Variants in DPP6 observed in about 807,000 individuals in gnomAD.
DPP6 encodes the protein dipeptidyl peptidase like 6, also known as A-type potassium channel modulatory protein DPP6.
Under a neutral mutation model 122.6 loss-of-function variants are expected in DPP6, and 69 were observed. The ratio of observed to expected loss-of-function variants is 0.56; its 90% CI spans 0.46 to 0.69. The LOEUF (loss-of-function observed/expected upper bound fraction) is 0.69. Among genes scored for constraint, DPP6 ranks in the 30% least tolerant of loss-of-function variants. The pLI is 0.00. For synonymous variants in DPP6, 418 were observed against 433.1 expected (o/e 0.97, Z 0.43); for missense variants, 928 against 1,116.9 (o/e 0.83, Z 2.41).
chr7:154,333,790 C>T (rs578188386), intron 1 of DPP6, among the ~76,000 whole-genome samples: 5 of 152,268 alleles, frequency 3.3e-5, no homozygotes, highest in African/African-American at 9.6e-5. Context: ...CAATATCTGA[C>T]TTTATGTAAT....
intron 1 of DPP6, chr7:154,059,416 T>A (rs1206393897): frequency 1.1e-4 from 16 of 151,456 alleles, no homozygotes; most frequent in Admixed American, 9.8e-4. Context: ...AGATCAAATC[T>A]TCCGACGGCA....
the DPP6 span, among the ~76,000 whole-genome samples, chr7:153,795,411 C>G: frequency 6.6e-6 from 1 of 152,096 alleles, no homozygotes; most frequent in Non-Finnish European, 1.5e-5. Flanking sequence ...GAGACTATCT[C>G]AAAATAAAGA....
chr7:153,760,005 G>A, the DPP6 span, among the ~76,000 whole-genome samples: 1 of 151,740 alleles, frequency 6.6e-6, no homozygotes, highest in African/African-American at 2.4e-5. Flanking sequence ...CTATCTGTAT[G>A]TGAGTGAGTG....
At position 154,152,115 on chromosome 7, in the gene DPP6, A is replaced by T. The variant is rs6959196; in HGVS notation, c.243+99052A>T. ...TGCATCCTAGATGTCACATTACAGT[A>T]GTTTGGAGAGACTTTTCTTAGGTGT... On this transcript the variant is annotated intron_variant, in intron 1 of 25. Transcript: ENST00000377770. 5.0e-3 allele frequency among the ~76,000 whole-genome samples: 754 copies of T among 151,176 alleles called. 11 individuals carry two copies. The highest frequency in any genetic ancestry group is 0.017 in the African/African-American group (714 of 41,066).
chr7:154,718,603 C>G (rs1586949735), intron 7 of DPP6, among the ~76,000 whole-genome samples: 1 of 150,034 alleles, frequency 6.7e-6, no homozygotes, highest in African/African-American at 2.5e-5. Context: ...CTCTTTAAAG[C>G]TGGCTTGCCT....
At chr7:154,551,030 A>G (rs1462524258) in intron 4 of DPP6, among the ~76,000 whole-genome samples, 1 of 152,198 alleles carries the variant, frequency 6.6e-6, no homozygotes, top group Non-Finnish European at 1.5e-5. Flanking sequence ...TCATATGGCT[A>G]AACTTTTTTT....
At position 154,793,789 on chromosome 7, in the gene DPP6, C is replaced by A. The variant is rs558032520; in HGVS notation, c.1137-290C>A. 2.1e-5 allele frequency: 6 copies of A among 285,796 alleles called. No individual in the cohort carries two copies. In the South Asian group the frequency reaches 3.6e-4, roughly 17 times the overall value. 17.7% of individuals were successfully genotyped at this position (285,796 alleles called of 1,614,324 possible). A position where few individuals can be genotyped will look rare whatever the true frequency, so the allele number is the denominator to read the frequency against. On this transcript the variant is annotated intron_variant, in intron 10 of 25. Transcript: ENST00000377770. ...TGGAGAGACGAGACCTCAAAACCCACGGAGCAGCCCCCACACCCCTCACCC... is the reference window on the plus strand; with the variant it reads ...TGGAGAGACGAGACCTCAAAACCCAAGGAGCAGCCCCCACACCCCTCACCC...
intron 1 of DPP6, among the ~76,000 whole-genome samples, chr7:154,264,919 GGTGTTAATGATGTTAATGATGATA>G (rs1803291785): frequency 6.6e-6 from 1 of 150,812 alleles, no homozygotes. Flanking sequence ...TAGTGATGAT[GGTGTTAATGATGTTAATGATGATA>G]GTGATAATGA....
chr7:154,316,577 A>G (rs910799369), intron 1 of DPP6, among the ~76,000 whole-genome samples: 7 of 152,324 alleles, frequency 4.6e-5, no homozygotes, highest in African/African-American at 1.7e-4. Flanking sequence ...TTGATCTTCT[A>G]TTTCTCAGGT....
At chr7:154,055,071 A>T (rs1800697775) in intron 1 of DPP6, among the ~76,000 whole-genome samples, 1 of 148,898 alleles carries the variant, frequency 6.7e-6, no homozygotes, top group African/African-American at 2.5e-5. Context: ...TCTCTAACTT[A>T]GATGTAAGTC....
chr7:153,874,991 A>G, the DPP6 span, among the ~76,000 whole-genome samples: 1 of 152,178 alleles, frequency 6.6e-6, no homozygotes, highest in Non-Finnish European at 1.5e-5. Context: ...AAAGTAACGG[A>G]AAAATCCAAC....
At chr7:153,882,481 G>A (rs1798782646), upstream of DPP6, among the ~76,000 whole-genome samples, 1 of 152,224 alleles carries the variant, frequency 6.6e-6, no homozygotes, top group Non-Finnish European at 1.5e-5. Flanking sequence ...CACTGATAAA[G>A]TGACATGAGG....
chr7:154,561,122 C>G (rs1293807868), intron 4 of DPP6, among the ~76,000 whole-genome samples: 1 of 152,078 alleles, frequency 6.6e-6, no homozygotes, highest in Non-Finnish European at 1.5e-5. Flanking sequence ...TTGGTTGAAC[C>G]AAAAGAAGAA....
upstream of DPP6, among the ~76,000 whole-genome samples, chr7:153,885,872 T>C (rs1798890675): frequency 6.6e-6 from 1 of 152,222 alleles, no homozygotes; most frequent in Non-Finnish European, 1.5e-5. Context: ...TTTTTGAATA[T>C]ACATATATTA....
the DPP6 span, among the ~76,000 whole-genome samples, chr7:153,794,780 A>G: frequency 1.3e-5 from 2 of 152,208 alleles, no homozygotes; most frequent in African/African-American, 4.8e-5. Context: ...GGAGGTAATT[A>G]AATCATGGGG....
At chr7:154,292,543 A>T (rs939835470) in intron 1 of DPP6, among the ~76,000 whole-genome samples, 1 of 152,230 alleles carries the variant, frequency 6.6e-6, no homozygotes, top group African/African-American at 2.4e-5. Context: ...GCAGTTTGGT[A>T]TATTATACAA....
chr7:154,861,343 A>ATATT (rs1357991416), intron 17 of DPP6, among the ~76,000 whole-genome samples: 1 of 152,238 alleles, frequency 6.6e-6, no homozygotes, highest in Non-Finnish European at 1.5e-5. Context: ...AGTTTTTAGC[A>ATATT]TATTTATTTT....
In DPP6 at chr7:154,087,840, G is replaced by A. The variant is rs147802833; in HGVS notation, c.243+34777G>A. On this transcript the variant is annotated intron_variant, in intron 1 of 25. Coordinates refer to ENST00000377770, the MANE Select transcript of DPP6 (RefSeq NM_130797.4). ...GGGGATTATTAAATACAGACATATA[G>A]ACACATATGTATGCAAGGTCATTGG... Among the ~76,000 whole-genome samples, 1,495 of 152,292 alleles carry A rather than the reference G, an allele frequency of 9.8e-3. 27 individuals carry two copies. The highest frequency in any genetic ancestry group is 0.033 in the African/African-American group (1,388 of 41,560).
chr7:154,834,055 A>G lies in DPP6; in HGVS notation c.1667-19725A>G, dbSNP rs148728245. The stretch of plus-strand genomic sequence containing the variant: ...AGAAACAAGATGAAGAAACAACTCA[A>G]TGATGAGTTGTGCCTTGCCAGGGTG... On this transcript the variant is annotated intron_variant, in intron 16 of 25. Transcript: ENST00000377770. 7.4e-3 allele frequency among the ~76,000 whole-genome samples: 1,128 copies of G among 152,270 alleles called. 9 individuals carry two copies. The highest frequency in any genetic ancestry group is 0.031 in the Middle Eastern group (9 of 294).
Sources: gnomAD v4.1 joint callset for allele counts (sites outside exome capture counted in the v4.1 genomes callset) on GRCh38, gnomAD v4.1.1 for gene constraint, MANE v1.5 for transcripts, NCBI Gene and HGNC (gene_info 2026-07-23, HGNC 2026-07-21) for gene names.